The following TMCC1 variants were observed in gnomAD, a reference collection of about 807,000 sequenced individuals.
TMCC1 encodes transmembrane and coiled-coil domain family 1, also known as transmembrane and coiled-coil domains protein 1.
A neutral mutation model predicts 52.4 loss-of-function variants in TMCC1; 15 were observed. The ratio of observed to expected loss-of-function variants is 0.29; its 90% CI spans 0.19 to 0.44. The LOEUF (loss-of-function observed/expected upper bound fraction) is 0.44. Among genes scored for constraint, TMCC1 ranks in the 20% least tolerant of loss-of-function variants. The probability of loss-of-function intolerance (pLI) is 1.00; values close to 1 mark genes in which losing one functional copy is unlikely to be tolerated. For missense variants in TMCC1, 503 were observed against 806.0 expected (o/e 0.62, Z 4.55); for synonymous variants, 279 against 301.9 (o/e 0.92, Z 0.79).
At chr3:129,709,022 G>A (rs1291039019) in intron 4 of TMCC1, among the ~76,000 whole-genome samples, 1 of 152,000 alleles carries the variant, frequency 6.6e-6, no homozygotes, top group Non-Finnish European at 1.5e-5. Context: ...GTCTTTACTG[G>A]TAATAACTAA....
chr3:129,664,981 G>T (rs539022773), intron 5 of TMCC1, among the ~76,000 whole-genome samples: 1 of 152,320 alleles, frequency 6.6e-6, no homozygotes, highest in Admixed American at 6.5e-5. Flanking sequence ...TTCTACTTCT[G>T]AAGTACTGTG....
intron 4 of TMCC1, among the ~76,000 whole-genome samples, chr3:129,788,605 G>A (rs1032286286): frequency 1.3e-5 from 2 of 152,020 alleles, no homozygotes; most frequent in Non-Finnish European, 2.9e-5. Context: ...TGGGACTACA[G>A]GCGCCCGCCA....
In TMCC1 at chr3:129,825,065, G is replaced by A. The variant is rs1162884779; in HGVS notation, c.576+2738C>T. Among the ~76,000 whole-genome samples the A allele has an allele frequency of 3.3e-5, 5 of 152,172 alleles. No homozygotes were observed. The East Asian group carries it at 7.7e-4, about 24-fold the overall frequency. ...GTACTAATTAAATTATCACCCCGGG[G>A]TTAATCAATGTCCTGTCAGGCATCC... is the stretch of plus-strand genomic sequence containing the variant. On this transcript the variant is annotated intron_variant, in intron 4 of 6. Transcript: ENST00000393238.
intron 4 of TMCC1, among the ~76,000 whole-genome samples, chr3:129,685,404 A>T (rs972328552): frequency 1.8e-4 from 26 of 141,322 alleles, no homozygotes; most frequent in Non-Finnish European, 2.6e-4. Flanking sequence ...AATTAAATTT[A>T]AAAAAAAAAA....
chr3:129,770,968 G>T (rs1421227543), intron 4 of TMCC1, among the ~76,000 whole-genome samples: 3 of 152,190 alleles, frequency 2.0e-5, no homozygotes, highest in Non-Finnish European at 4.4e-5. Context: ...TCGAGAGACT[G>T]GTCAAATCAA....
At chr3:129,733,448 A>C (rs1245119851) in intron 4 of TMCC1, among the ~76,000 whole-genome samples, 3 of 152,220 alleles carry the variant, frequency 2.0e-5, no homozygotes, top group African/African-American at 7.2e-5. Flanking sequence ...ATAGCAGTAA[A>C]AACCATGGAA....
At chr3:129,795,245 A>G (rs2056744887) in intron 4 of TMCC1, among the ~76,000 whole-genome samples, 1 of 152,244 alleles carries the variant, frequency 6.6e-6, no homozygotes, top group Non-Finnish European at 1.5e-5. Flanking sequence ...GAATCAATGC[A>G]GGTAAAGAGG....
intron 4 of TMCC1, among the ~76,000 whole-genome samples, chr3:129,684,205 T>C (rs547483116): frequency 2.0e-5 from 3 of 152,324 alleles, no homozygotes; most frequent in African/African-American, 7.2e-5. Flanking sequence ...AAAGGGCTAA[T>C]AAATCAATAA....
rs182176504 is a variant in TMCC1, at chr3:129,841,993, A to T, written c.-183-9167T>A. Among the ~76,000 whole-genome samples the T allele has an allele frequency of 7.2e-5, 11 of 152,358 alleles. No individual in the cohort carries two copies. The East Asian group carries it at 2.1e-3, about 29-fold the overall frequency. Reference sequence around the variant, plus strand: ...TAGCATTGTGAAAACAAACTAATACAAGGGGTATTATAATAGGGTCAGTTC... The same window carrying T: ...TAGCATTGTGAAAACAAACTAATACTAGGGGTATTATAATAGGGTCAGTTC... On this transcript the variant is annotated intron_variant, in intron 2 of 6. Coordinates refer to ENST00000393238, the MANE Select transcript of TMCC1 (RefSeq NM_001017395.5).
intron 4 of TMCC1, among the ~76,000 whole-genome samples, chr3:129,803,762 TTC>T (rs533617833): frequency 7.0e-4 from 107 of 152,252 alleles, no homozygotes; most frequent in Admixed American, 1.3e-3. Flanking sequence ...CTCTTTTGAT[TTC>T]TTTTTAATAC....
At chr3:129,789,641 C>T (rs1260016361) in intron 4 of TMCC1, among the ~76,000 whole-genome samples, 4 of 152,106 alleles carry the variant, frequency 2.6e-5, no homozygotes, top group South Asian at 2.1e-4. Flanking sequence ...CAACCATGCC[C>T]GGCTAATTTT....
At chr3:129,812,798 G>C (rs1425751940) in intron 4 of TMCC1, among the ~76,000 whole-genome samples, 1 of 152,072 alleles carries the variant, frequency 6.6e-6, no homozygotes, top group Non-Finnish European at 1.5e-5. Context: ...AAAAGCGATT[G>C]CAACAAAACC....
chr3:129,680,794 G>A (rs1023342749), intron 4 of TMCC1, among the ~76,000 whole-genome samples: 5 of 152,024 alleles, frequency 3.3e-5, no homozygotes, highest in Non-Finnish European at 5.9e-5. Flanking sequence ...CGAGCTACTT[G>A]GGAGACTGAG....
At chr3:129,886,613 G>T (rs924103539) in intron 1 of TMCC1, among the ~76,000 whole-genome samples, 3 of 152,126 alleles carry the variant, frequency 2.0e-5, no homozygotes, top group African/African-American at 7.2e-5. Flanking sequence ...CAACATGGAT[G>T]AATAAAAACA....
intron 4 of TMCC1, among the ~76,000 whole-genome samples, chr3:129,798,715 CTTG>C (rs2057006221): frequency 6.6e-6 from 1 of 152,126 alleles, no homozygotes; most frequent in Non-Finnish European, 1.5e-5. Context: ...ATTGCACAGA[CTTG>C]TTAACTATTT....
chr3:129,750,667 C>G (rs1477073771), intron 4 of TMCC1, among the ~76,000 whole-genome samples: 2 of 144,966 alleles, frequency 1.4e-5, no homozygotes, highest in African/African-American at 2.5e-5. Context: ...CTCCACCTCC[C>G]GGGTTCACGC....
intron 1 of TMCC1, among the ~76,000 whole-genome samples, chr3:129,885,887 C>G (rs78703693): frequency 6.6e-6 from 1 of 151,574 alleles, no homozygotes; most frequent in Non-Finnish European, 1.5e-5. Context: ...GGATTACAGG[C>G]GCCCACGACC....
chr3:129,754,640 T>C (rs946230972), intron 4 of TMCC1, among the ~76,000 whole-genome samples: 1 of 152,238 alleles, frequency 6.6e-6, no homozygotes, highest in Non-Finnish European at 1.5e-5. Context: ...CAAATGGTGA[T>C]GGAAAATTTG....
Position 129,820,832 on chromosome 3 carries a change from C to T in TMCC1, c.576+6971G>A, listed in dbSNP as rs548381437. 7.2e-5 allele frequency among the ~76,000 whole-genome samples: 11 copies of T among 152,310 alleles called. No homozygotes were observed. In the South Asian group the frequency reaches 2.1e-3, roughly 29 times the overall value. On this transcript the variant is annotated intron_variant, in intron 4 of 6. Coordinates refer to ENST00000393238, the MANE Select transcript of TMCC1 (RefSeq NM_001017395.5). ...ACCAGATTATAGGCCAGTAAAACTGCATGGAAGCAAAGATAAACCAGCCAA... is the reference window on the plus strand; with the variant it reads ...ACCAGATTATAGGCCAGTAAAACTGTATGGAAGCAAAGATAAACCAGCCAA...
Sources: allele counts gnomAD v4.1 joint callset (sites outside exome capture counted in the v4.1 genomes callset), GRCh38; gene constraint gnomAD v4.1.1; transcripts MANE v1.5; gene names NCBI Gene and HGNC (gene_info 2026-07-23, HGNC 2026-07-21).